Variants in MDN1 observed in about 807,000 individuals in gnomAD.
The protein encoded by MDN1 is midasin AAA ATPase 1, also known as midasin.
Under a neutral mutation model 669.2 loss-of-function variants are expected in MDN1, and 266 were observed. The observed-to-expected ratio is 0.40, with a 90% CI of 0.36 to 0.44. The LOEUF (loss-of-function observed/expected upper bound fraction) is 0.44, where lower values mean the gene tolerates loss of function less well. MDN1 is among the 20% of genes least tolerant of loss of function. MDN1 has a pLI of 1.00. For missense variants in MDN1, 5,940 were observed against 6,754.0 expected (o/e 0.88, Z 4.22); for synonymous variants, 2,385 against 2,457.1 (o/e 0.97, Z 0.87).
chr6:89,804,716 T>C (rs1767897411), intron 1 of MDN1, among the ~76,000 whole-genome samples: 3 of 152,124 alleles, frequency 2.0e-5, no homozygotes, highest in African/African-American at 4.8e-5. Flanking sequence ...AGCAACACTT[T>C]GATACGGAAG....
chr6:89,791,176 G>A (rs192329779), intron 5 of MDN1, among the ~76,000 whole-genome samples: 10 of 152,222 alleles, frequency 6.6e-5, no homozygotes, highest in Non-Finnish European at 1.3e-4. Flanking sequence ...CAAAGTTTAA[G>A]TAGCCAAAAA....
chr6:89,743,937 A>T (rs971532840), intron 29 of MDN1, among the ~76,000 whole-genome samples: 1 of 151,892 alleles, frequency 6.6e-6, no homozygotes, highest in African/African-American at 2.4e-5. Flanking sequence ...ACTCCAACCT[A>T]GTTCTATCAA....
At chr6:89,706,355 AGT>A (rs1392733104) in intron 52 of MDN1, among the ~76,000 whole-genome samples, 163 bp from the exon 53 acceptor site, 2 of 152,172 alleles carry the variant, frequency 1.3e-5, no homozygotes, top group African/African-American at 4.8e-5. Flanking sequence ...CTACAGGTTG[AGT>A]GTCTCTTATC....
rs1271075702 is a variant in MDN1 at position 89,712,631 on chromosome 6, T to C, written c.7374A>G (p.Gly2458=). The C allele has an allele frequency of 5.0e-6, 8 of 1,614,056 alleles. No homozygotes were observed. The highest frequency in any genetic ancestry group is 2.7e-5 in the African/African-American group (2 of 74,932). ...TGTTGAGACAATATACTAAGATCTG[T>C]CCATCTCTTCGGACTGTAGACAGGT... ...DSHLSTVRRD[G]QILVYCLNRM... is the part of the protein sequence containing the mutation. Residue 2458 remains glycine (G), a synonymous_variant, in exon 48 of 102, where the codon GGA becomes GGG. Coordinates refer to ENST00000369393, the MANE Select transcript of MDN1 (RefSeq NM_014611.3).
intron 59 of MDN1, among the ~76,000 whole-genome samples, chr6:89,698,546 T>G (rs1287023086): frequency 6.6e-6 from 1 of 152,108 alleles, no homozygotes; most frequent in African/African-American, 2.4e-5. Flanking sequence ...TAGAACAGAG[T>G]GGATATTTCT....
intron 23 of MDN1, 45 bp downstream of exon 23, chr6:89,751,386 T>C (rs1187322626): frequency 1.2e-6 from 2 of 1,610,886 alleles, no homozygotes; most frequent in Admixed American, 3.3e-5. Context: ...CATCAATGCC[T>C]ATGCCTGTAT....
At chr6:89,738,596 T>C in intron 32 of MDN1, 141 bp from the exon 33 acceptor site, 1 of 870,140 alleles carries the variant, frequency 1.1e-6, no homozygotes, top group South Asian at 1.8e-5. Context: ...TCAGATATAA[T>C]TAATTGAAGA....
intron 70 of MDN1, among the ~76,000 whole-genome samples, chr6:89,685,487 T>C (rs570464914): frequency 6.6e-6 from 1 of 152,232 alleles, no homozygotes; most frequent in African/African-American, 2.4e-5. Context: ...GTGCTCTCAC[T>C]GGATGAAAGA....
intron 44 of MDN1, 38 bp downstream of exon 44, chr6:89,716,612 T>A: frequency 6.4e-7 from 1 of 1,568,420 alleles, no homozygotes; most frequent in Non-Finnish European, 8.6e-7. Context: ...ATATCCCAAA[T>A]TTCAAGTTGG....
chr6:89,746,084 T>C (rs1476597409), intron 27 of MDN1, among the ~76,000 whole-genome samples: 1 of 152,164 alleles, frequency 6.6e-6, no homozygotes, highest in African/African-American at 2.4e-5. Flanking sequence ...TACTGCATGG[T>C]GTCAGCTAGG....
chr6:89,732,047 G>A (rs965486472), intron 34 of MDN1, among the ~76,000 whole-genome samples: 1 of 151,380 alleles, frequency 6.6e-6, no homozygotes, highest in Non-Finnish European at 1.5e-5. Context: ...ACCCAACCCC[G>A]GCCAATAAAA....
chr6:89,676,027 G>T, intron 77 of MDN1, 75 bp downstream of exon 77: 2 of 1,359,846 alleles, frequency 1.5e-6, no homozygotes, highest in Non-Finnish European at 2.1e-6. Flanking sequence ...AACAAGGTCT[G>T]AGAATACAGC....
intron 15 of MDN1, 42 bp downstream of exon 15, chr6:89,771,519 A>G (rs1310804464): frequency 3.3e-6 from 5 of 1,525,960 alleles, no homozygotes; most frequent in Non-Finnish European, 4.5e-6. Flanking sequence ...TACCTCAAGC[A>G]ATAAACACAA....
At chr6:89,652,585 A>C (rs1403749631) in intron 94 of MDN1, among the ~76,000 whole-genome samples, 1 of 152,250 alleles carries the variant, frequency 6.6e-6, no homozygotes, top group Non-Finnish European at 1.5e-5. Context: ...TAATCAAATA[A>C]GTCAAACTCT....
intron 79 of MDN1, 76 bp from the exon 80 acceptor site, chr6:89,673,538 T>A: frequency 7.8e-7 from 1 of 1,274,914 alleles, no homozygotes; most frequent in Non-Finnish European, 1.1e-6. Context: ...CTGCAACCAC[T>A]ACAAGATATG....
chr6:89,644,251 T>C, intron 101 of MDN1, 58 bp from the exon 102 acceptor site: 1 of 1,421,626 alleles, frequency 7.0e-7, no homozygotes, highest in Non-Finnish European at 9.6e-7. Flanking sequence ...CATCCTTAGC[T>C]AGCTCTTCTG....
intron 17 of MDN1, among the ~76,000 whole-genome samples, chr6:89,759,244 G>A (rs1019929168): frequency 2.0e-5 from 3 of 152,106 alleles, no homozygotes; most frequent in Admixed American, 6.5e-5. Context: ...TTGTAGTCAG[G>A]TCTTTAAAGG....
At position 89,693,021 on chromosome 6, in the gene MDN1, T is replaced by C; in HGVS notation, c.10009A>G (p.Ile3337Val). The change falls in exon 63 of 102, where the codon ATC (isoleucine) becomes GTC (valine). Residue 3337 changes from isoleucine to valine, a missense_variant. This residue lies in a region of MDN1 where 150 missense variants were observed against 234.2 expected (regional missense o/e 0.64). Transcript: ENST00000369393. The stretch of plus-strand genomic sequence containing the variant: ...TCCTGAACAGCAGGGGCCTTGGCGA[T>C]GCTGGTGACGTAGTGGTGGATCTCC... Reference protein sequence around the residue: ...VQEIHHYVTSIAKAPAVQDLL... With the variant: ...VQEIHHYVTSVAKAPAVQDLL... 6.2e-7 allele frequency: 1 copy of C among 1,614,188 alleles called. No homozygotes were observed. Among genetic ancestry groups the C allele is most frequent in the South Asian group, 1.1e-5 (1 of 91,090 alleles).
intron 89 of MDN1, 78 bp downstream of exon 89, chr6:89,658,532 A>C: frequency 6.5e-7 from 1 of 1,536,576 alleles, no homozygotes; most frequent in Non-Finnish European, 8.8e-7. Flanking sequence ...GTATCCTAAA[A>C]GGGATTCTAA....
Sources: allele counts gnomAD v4.1 joint callset (sites outside exome capture counted in the v4.1 genomes callset), GRCh38; gene constraint gnomAD v4.1.1; regional missense constraint gnomAD v4.1.1; transcripts MANE v1.5; gene names NCBI Gene and HGNC (gene_info 2026-07-23, HGNC 2026-07-21).